ATP6V0E2: variants seen among roughly 807,000 people sequenced by gnomAD.
The protein encoded by ATP6V0E2 is V-type proton ATPase subunit e 2.
Under a neutral mutation model 11.5 loss-of-function variants are expected in ATP6V0E2, and 4 were observed. The observed-to-expected ratio is 0.35, with a 90% CI of 0.17 to 0.80. The LOEUF (loss-of-function observed/expected upper bound fraction) is 0.80. Among genes scored for constraint, ATP6V0E2 ranks in the 30% least tolerant of loss-of-function variants. The pLI is 0.53. For missense variants in ATP6V0E2, 93 were observed against 113.5 expected, an observed-to-expected ratio of 0.82 and a Z score of 0.82; for synonymous variants, 52 against 51.0, an observed-to-expected ratio of 1.02 and a Z score of -0.09.
At position 149,879,509 on chromosome 7, in the gene ATP6V0E2, G is replaced by GGCCCTGGGGA; in HGVS notation, c.*203_*212dup. The GGCCCTGGGGA allele has an allele frequency of 6.3e-7, 1 of 1,590,430 alleles. No homozygotes were observed. Among genetic ancestry groups the GGCCCTGGGGA allele is most frequent in the Non-Finnish European group, 8.6e-7 (1 of 1,168,500 alleles). ...CTTCCCAGTCTTCCCAGCCAGCCCG[G>GGCCCTGGGGA]GCCCTGGGGAGCCCTGGGCACAGCA... On this transcript the variant is annotated 3_prime_UTR_variant, in exon 4 of 4. Coordinates refer to ENST00000425642, the MANE Select transcript of ATP6V0E2 (RefSeq NM_145230.4).
intron 2 of ATP6V0E2, among the ~76,000 whole-genome samples, 170 bp downstream of exon 2, chr7:149,875,815 G>C (rs1365843637): frequency 6.6e-6 from 1 of 152,104 alleles, no homozygotes; most frequent in Non-Finnish European, 1.5e-5. Context: ...GAGAGCAGTG[G>C]GCCAGAAGTC....
intron 1 of ATP6V0E2, 71 bp downstream of exon 1, chr7:149,874,240 G>A: frequency 6.8e-7 from 1 of 1,472,704 alleles, no homozygotes; most frequent in East Asian, 2.5e-5. Flanking sequence ...CCTCCGCCCC[G>A]GGGCGGCGGC....
At chr7:149,876,630 T>G (rs1803159879) in intron 2 of ATP6V0E2, among the ~76,000 whole-genome samples, 1 of 152,216 alleles carries the variant, frequency 6.6e-6, no homozygotes, top group African/African-American at 2.4e-5. Flanking sequence ...TGCGGTTACA[T>G]TGCTCCATGT....
intron 2 of ATP6V0E2, among the ~76,000 whole-genome samples, chr7:149,876,575 A>T (rs910525047): frequency 6.6e-6 from 1 of 152,214 alleles, no homozygotes; most frequent in Non-Finnish European, 1.5e-5. Context: ...AAAATTTTTT[A>T]AAAGGAAAAA....
In ATP6V0E2 at chr7:149,878,665, C is replaced by T. The variant is rs1320237282; in HGVS notation, c.153-13C>T. 8.7e-6 allele frequency: 14 copies of T among 1,607,752 alleles called. No individual in the cohort carries two copies. The highest frequency in any genetic ancestry group is 1.2e-5 in the Non-Finnish European group (14 of 1,178,346). Reference sequence around the variant, plus strand: ...CCTGTGCCAGGCTCACCATGCTTTGCTGTCCCTGGCAGCTGGCTCATCGCC... The same window carrying T: ...CCTGTGCCAGGCTCACCATGCTTTGTTGTCCCTGGCAGCTGGCTCATCGCC... On this transcript the variant is annotated splice_polypyrimidine_tract_variant and intron_variant, in intron 2 of 3. Transcript: ENST00000425642.
chr7:149,874,408 G>A (rs1185075198), intron 1 of ATP6V0E2, among the ~76,000 whole-genome samples: 1 of 152,182 alleles, frequency 6.6e-6, no homozygotes, highest in East Asian at 1.9e-4. Flanking sequence ...CATTGGAGAT[G>A]TCTGTCACCC....
chr7:149,876,480 G>A (rs180731878), intron 2 of ATP6V0E2, among the ~76,000 whole-genome samples: 1 of 152,312 alleles, frequency 6.6e-6, no homozygotes, highest in East Asian at 1.9e-4. Flanking sequence ...AGAGTGTGAG[G>A]AAATCAGTTT....
intron 2 of ATP6V0E2, chr7:149,876,145 A>C: frequency 2.2e-6 from 1 of 454,288 alleles, no homozygotes; most frequent in Non-Finnish European, 4.4e-6. Flanking sequence ...TGGGAGGCTG[A>C]GGTGGGTGGA....
chr7:149,879,995 C>T lies in ATP6V0E2; in HGVS notation c.*680C>T, dbSNP rs1041019837. On this transcript the variant is annotated 3_prime_UTR_variant, in exon 4 of 4. Coordinates refer to ENST00000425642, the MANE Select transcript of ATP6V0E2 (RefSeq NM_145230.4). Reference sequence around the variant, plus strand: ...GTTCCGCCTCCTGCCACCTGGACCTCCCTCAGTGGATGTCTTCCCTCCCCC... The same window carrying T: ...GTTCCGCCTCCTGCCACCTGGACCTTCCTCAGTGGATGTCTTCCCTCCCCC... 2 of 231,268 alleles carry T rather than the reference C, an allele frequency of 8.6e-6. No individual in the cohort carries two copies. Among genetic ancestry groups the T allele is most frequent in the Non-Finnish European group, 1.7e-5 (2 of 119,908 alleles). The allele number at this position is 231,268 out of a possible 1,614,324, so 14.3% of individuals were successfully genotyped here.
At position 149,879,724 on chromosome 7, in the gene ATP6V0E2, GA is replaced by G; in HGVS notation, c.*410del. The stretch of plus-strand genomic sequence containing the variant: ...AGAGGGTGCTCCGGCCCAGGCGGGG[GA>G]GTCAGTGCCCAGTCAGCAGCTCTGC... On this transcript the variant is annotated 3_prime_UTR_variant, in exon 4 of 4. Transcript: ENST00000425642. The G allele has an allele frequency of 1.5e-6, 2 of 1,321,566 alleles. No homozygotes were observed. Among genetic ancestry groups the G allele is most frequent in the Non-Finnish European group, 2.0e-6 (2 of 1,021,722 alleles). The allele number at this position is 1,321,566 out of a possible 1,614,324, so 81.9% of individuals were successfully genotyped here.
At chr7:149,877,162 A>C (rs958200152) in intron 2 of ATP6V0E2, among the ~76,000 whole-genome samples, 1 of 152,042 alleles carries the variant, frequency 6.6e-6, no homozygotes, top group Admixed American at 6.6e-5. Flanking sequence ...AGGAGCTGGG[A>C]TGACAGGTGC....
In ATP6V0E2 at chr7:149,878,775, G is replaced by C. The variant is rs1000333868; in HGVS notation, c.*4G>C. 3.7e-6 allele frequency: 6 copies of C among 1,612,626 alleles called. No homozygotes were observed. The highest frequency in any genetic ancestry group is 5.1e-6 in the Non-Finnish European group (6 of 1,179,806). On this transcript the variant is annotated 3_prime_UTR_variant, in exon 3 of 4. Transcript: ENST00000425642. Reference sequence around the variant, plus strand: ...CGTGCGCTTCCTGTGGGAGTGACCCGCCGCCCCCGACCCAGGTACTGTGTG... The same window carrying C: ...CGTGCGCTTCCTGTGGGAGTGACCCCCCGCCCCCGACCCAGGTACTGTGTG...
Position 149,874,057 on chromosome 7 carries a change from C to A in ATP6V0E2, c.-9C>A. 1 of 1,549,870 alleles carries A rather than the reference C, an allele frequency of 6.5e-7. No homozygotes were observed. The highest frequency in any genetic ancestry group is 8.7e-7 in the Non-Finnish European group (1 of 1,146,628). On this transcript the variant is annotated 5_prime_UTR_variant, in exon 1 of 4. Transcript: ENST00000425642. ...CCCTGCATCCTGCCTGGGCATCCTG[C>A]GCCCGGCCATGACGGCGCACTCATT...
At chr7:149,879,002 C>A in intron 3 of ATP6V0E2, 1 of 128,408 alleles carries the variant, frequency 7.8e-6, no homozygotes. Context: ...GTTTTGATTT[C>A]ATTTGGTTAG....
At position 149,879,729 on chromosome 7, in the gene ATP6V0E2, A is replaced by G. The variant is rs7785847; in HGVS notation, c.*414A>G. 798,736 of 1,285,266 alleles carry G rather than the reference A, an allele frequency of 0.62. 252,035 individuals are homozygous for G. Among genetic ancestry groups the G allele is most frequent in the African/African-American group, 0.82 (52,958 of 64,822 alleles). 79.6% of individuals were successfully genotyped at this position (1,285,266 alleles called of 1,614,324 possible). ...GTGCTCCGGCCCAGGCGGGGGAGTC[A>G]GTGCCCAGTCAGCAGCTCTGCCACC... On this transcript the variant is annotated 3_prime_UTR_variant, in exon 4 of 4. Transcript: ENST00000425642.
intron 2 of ATP6V0E2, among the ~76,000 whole-genome samples, chr7:149,876,251 C>T (rs4281040): frequency 0.59 from 89,938 of 152,060 alleles, 27,226 homozygotes; most frequent in African/African-American, 0.71. Context: ...TGGCGCGTGC[C>T]TGTAGTCCCA....
rs368487324 is a variant in ATP6V0E2 at position 149,874,159 on chromosome 7, C to T, written c.94C>T (p.Pro32Ser). 491 of 1,548,962 alleles carry T rather than the reference C, an allele frequency of 3.2e-4. No individual in the cohort carries two copies. Among genetic ancestry groups the T allele is most frequent in the Non-Finnish European group, 4.2e-4 (477 of 1,146,024 alleles). Reference protein sequence around the residue: ...IAGPWFVPKGPNRGVIITMLV... With the variant: ...IAGPWFVPKGSNRGVIITMLV... ...CGGGCCCTGGTTCGTGCCGAAGGGA[C>T]CCAACCGCGGGTAAGGAAAGCGCGC... is the stretch of plus-strand genomic sequence containing the variant. Residue 32 changes from proline to serine, a missense_variant, in exon 1 of 4, where the codon CCC (proline) becomes TCC (serine). Coordinates refer to ENST00000425642, the MANE Select transcript of ATP6V0E2 (RefSeq NM_145230.4).
rs11538584 is a variant in ATP6V0E2, at chr7:149,879,456, C to A, written c.*141C>A. ...CCTGCTGGCACCCAGAGACCCGGAC[C>A]CGCAGGGCCTGCCTGGTTCCTGGAA... On this transcript the variant is annotated 3_prime_UTR_variant, in exon 4 of 4. Transcript: ENST00000425642. The A allele has an allele frequency of 6.3e-7, 1 of 1,596,528 alleles. No homozygotes were observed. Among genetic ancestry groups the A allele is most frequent in the East Asian group, 2.3e-5 (1 of 43,440 alleles).
chr7:149,879,146 C>G, intron 3 of ATP6V0E2, 189 bp from the exon 4 acceptor site: 1 of 1,399,030 alleles, frequency 7.1e-7, no homozygotes, highest in Non-Finnish European at 9.2e-7. Context: ...TCCCAGCACC[C>G]CCCTCCCCCA....
Sources: allele counts gnomAD v4.1 joint callset (sites outside exome capture counted in the v4.1 genomes callset), GRCh38; gene constraint gnomAD v4.1.1; transcripts MANE v1.5; gene names NCBI Gene and HGNC (gene_info 2026-07-23, HGNC 2026-07-21).